Variants in SYTL5 observed in about 807,000 individuals in gnomAD.
SYTL5 encodes synaptotagmin like 5.
A neutral mutation model predicts 55.9 loss-of-function variants in SYTL5; 34 were observed. The ratio of observed to expected loss-of-function variants is 0.61; its 90% CI spans 0.46 to 0.81. The LOEUF is 0.81. Ranked by LOEUF, SYTL5 falls within the 30% of genes least tolerant of loss-of-function variation. The pLI is 0.00. For missense variants in SYTL5, 637 were observed against 546.7 expected (o/e 1.17, Z -1.65); for synonymous variants, 221 against 188.7 (o/e 1.17, Z -1.40).
the SYTL5 span, among the ~76,000 whole-genome samples, chrX:37,893,338 T>C: frequency 1.0e-5 from 1 of 99,381 alleles, no homozygotes; most frequent in Non-Finnish European, 2.0e-5. Flanking sequence ...CACTATATAC[T>C]ATATAGTATA....
chrX:37,963,225 T>TA, the SYTL5 span, among the ~76,000 whole-genome samples: 1 of 111,411 alleles, frequency 9.0e-6, no homozygotes, highest in East Asian at 2.8e-4. Flanking sequence ...TTTCAGAAAA[T>TA]ATATGGTTGG....
intron 13 of SYTL5, among the ~76,000 whole-genome samples, chrX:38,117,266 T>C (rs1429112262): frequency 8.9e-6 from 1 of 112,024 alleles, no homozygotes; most frequent in East Asian, 2.8e-4. Flanking sequence ...ATTATAATGC[T>C]ACAAGCTTCA....
Position 38,110,327 on chromosome X carries a change from A to G in SYTL5, c.1441A>G (p.Ile481Val), listed in dbSNP as rs1427669651. The G allele has an allele frequency of 1.7e-6, 2 of 1,203,606 alleles. No homozygotes were observed. Among genetic ancestry groups the G allele is most frequent in the South Asian group, 1.8e-5 (1 of 55,060 alleles). Residue 481 changes from isoleucine (I) to valine (V), a missense_variant, in exon 13 of 17, where the codon ATC becomes GTC. Transcript: ENST00000297875. Reference sequence around the variant, plus strand: ...TTGTAAATCTCATTCGCAGTACACTATCAGCCATACCCAGCTGGAAACAAG... The same window carrying G: ...TTGTAAATCTCATTCGCAGTACACTGTCAGCCATACCCAGCTGGAAACAAG... ...PEFNETLKYT[I>V]SHTQLETRTL...
chrX:37,890,459 G>T, the SYTL5 span, among the ~76,000 whole-genome samples: 1 of 111,714 alleles, frequency 9.0e-6, no homozygotes, highest in Non-Finnish European at 1.9e-5. Context: ...GATTGGTCTG[G>T]CAATAATATC....
chrX:38,008,327 G>A (rs1306436383), intron 1 of SYTL5, among the ~76,000 whole-genome samples: 1 of 111,145 alleles, frequency 9.0e-6, no homozygotes, highest in African/African-American at 3.3e-5. Flanking sequence ...CATTTTCCAT[G>A]ATTTCACAAA....
upstream of SYTL5, among the ~76,000 whole-genome samples, chrX:38,002,008 C>T (rs768525542): frequency 9.1e-6 from 1 of 109,906 alleles, no homozygotes; most frequent in East Asian, 2.9e-4. Flanking sequence ...AATGCTATCC[C>T]TCCCCACTCC....
chrX:38,125,752 G>C lies in SYTL5; in HGVS notation c.2050+246G>C, dbSNP rs1057348471. Among the ~76,000 whole-genome samples, 4 of 111,673 alleles carry C rather than the reference G, an allele frequency of 3.6e-5. No homozygotes were observed. In the East Asian group the frequency reaches 1.1e-3, roughly 31 times the overall value. On this transcript the variant is annotated intron_variant, in intron 16 of 16. Transcript: ENST00000297875. ...CATATTTATATTCAATCCTTTCATA[G>C]ACTAGCATTTACACCTTAGTCTAAG...
chrX:37,922,438 G>T, the SYTL5 span, among the ~76,000 whole-genome samples: 1 of 112,087 alleles, frequency 8.9e-6, no homozygotes, highest in African/African-American at 3.2e-5. Context: ...TTTTTAAAGG[G>T]ATAGTTTGAA....
chrX:37,924,063 C>A, the SYTL5 span, among the ~76,000 whole-genome samples: 4 of 111,487 alleles, frequency 3.6e-5, no homozygotes, highest in African/African-American at 1.3e-4. Context: ...GCTTATATAA[C>A]CTCTTGGGGA....
the SYTL5 span, among the ~76,000 whole-genome samples, chrX:37,972,423 G>A: frequency 2.7e-5 from 3 of 111,296 alleles, no homozygotes; most frequent in Admixed American, 2.8e-4. Context: ...GGACTCAGAG[G>A]ACTCACCAGT....
chrX:37,987,548 A>G, the SYTL5 span, among the ~76,000 whole-genome samples: 296 of 112,238 alleles, frequency 2.6e-3, 2 homozygotes, highest in African/African-American at 8.8e-3. Context: ...TCCAGCATCA[A>G]CCTCAGTGTC....
At chrX:38,030,931 A>G (rs966122451) in intron 1 of SYTL5, among the ~76,000 whole-genome samples, 1 of 112,257 alleles carries the variant, frequency 8.9e-6, no homozygotes, top group Non-Finnish European at 1.9e-5. Flanking sequence ...TTATAAGGTC[A>G]AGCTCTCAAG....
intron 3 of SYTL5, among the ~76,000 whole-genome samples, chrX:38,065,451 C>T (rs1420668385): frequency 8.9e-6 from 1 of 111,810 alleles, no homozygotes; most frequent in Non-Finnish European, 1.9e-5. Flanking sequence ...ACAGTGATTT[C>T]TGTGGATATG....
intron 3 of SYTL5, among the ~76,000 whole-genome samples, chrX:38,066,156 T>A (rs927367028): frequency 8.9e-6 from 1 of 111,866 alleles, no homozygotes; most frequent in Non-Finnish European, 1.9e-5. Flanking sequence ...AGTTTCCTTA[T>A]GAATAATAGA....
chrX:37,960,799 TTTATTTATTTA>T, the SYTL5 span, among the ~76,000 whole-genome samples: 3 of 91,418 alleles, frequency 3.3e-5, no homozygotes, highest in East Asian at 4.0e-4. Context: ...TATTTATTTA[TTTATTTATTTA>T]TTTGAGATGG....
At chrX:38,000,091 C>T in the SYTL5 span, among the ~76,000 whole-genome samples, 1 of 111,820 alleles carries the variant, frequency 8.9e-6, no homozygotes, top group Non-Finnish European at 1.9e-5. Flanking sequence ...CACTTAACAA[C>T]TCACTCTCGA....
rs1404349715 is a variant in SYTL5 at position 38,102,978 on chromosome X, T to C, written c.1155+544T>C. ...TTTTTCTTGGCTTCTCTGATTTCTGTTGCTCTGATGCTTTTTTTCTTTTGA... is the reference window on the plus strand; with the variant it reads ...TTTTTCTTGGCTTCTCTGATTTCTGCTGCTCTGATGCTTTTTTTCTTTTGA... On this transcript the variant is annotated intron_variant, in intron 10 of 16. Transcript: ENST00000297875. 8.5e-6 allele frequency: 8 copies of C among 945,607 alleles called. No individual in the cohort carries two copies. In the Admixed American group the frequency reaches 2.2e-4, roughly 26 times the overall value. The allele number at this position is 945,607 out of a possible 1,213,427, so 77.9% of individuals were successfully genotyped here. A position where few individuals can be genotyped will look rare whatever the true frequency, so the allele number is the denominator to read the frequency against.
intron 13 of SYTL5, 52 bp from the exon 14 acceptor site, chrX:38,120,306 T>C (rs1937555633): frequency 4.5e-6 from 4 of 895,139 alleles, no homozygotes; most frequent in African/African-American, 2.0e-5. Context: ...TGGACTACAA[T>C]ACTAAGCCAA....
At chrX:38,076,168 C>A (rs1469384569) in intron 5 of SYTL5, among the ~76,000 whole-genome samples, 2 of 112,008 alleles carry the variant, frequency 1.8e-5, no homozygotes, top group Non-Finnish European at 3.8e-5. Flanking sequence ...GTCTAATAAG[C>A]AGCTACCTCA....
Sources: gnomAD v4.1 joint callset for allele counts (sites outside exome capture counted in the v4.1 genomes callset) on GRCh38, gnomAD v4.1.1 for gene constraint, MANE v1.5 for transcripts, NCBI Gene and HGNC (gene_info 2026-07-23, HGNC 2026-07-21) for gene names.